Variants in CYP2C8 observed in about 807,000 individuals in gnomAD.
The protein encoded by CYP2C8 is cytochrome P450 family 2 subfamily C member 8.
In CYP2C8, 51 loss-of-function variants were observed where a neutral mutation model predicts 41.3. The ratio of observed to expected loss-of-function variants is 1.24; its 90% CI spans 0.99 to 1.56. The LOEUF (loss-of-function observed/expected upper bound fraction) is 1.56. CYP2C8 is among the 40% of genes most tolerant of loss of function. CYP2C8 has a pLI of 0.00. For synonymous variants in CYP2C8, 218 were observed against 205.8 expected (o/e 1.06, Z -0.51); for missense variants, 651 against 579.9 (o/e 1.12, Z -1.26).
intron 4 of CYP2C8, among the ~76,000 whole-genome samples, chr10:95,060,179 A>C (rs1459682302): frequency 9.6e-5 from 9 of 93,552 alleles, no homozygotes; most frequent in Admixed American, 5.3e-4. Context: ...AATTCTGTGA[A>C]GAAAGTCATT....
Position 95,037,272 on chromosome 10 carries a change from C to T in CYP2C8, c.1329G>A (p.Met443Ile), listed in dbSNP as rs762150516. ...TTGTGGTTAGAAATAAAAATAGCTC[C>T]ATGCGGGCAAGTCCTTCTCCTGCAC... ...RICAGEGLAR[M>I]ELFLFLTTIL... The change falls in exon 9 of 9, where the codon ATG becomes ATA. Residue 443 changes from methionine to isoleucine, a missense_variant. Coordinates refer to ENST00000371270, the MANE Select transcript of CYP2C8 (RefSeq NM_000770.3). 13 of 1,613,646 alleles carry T rather than the reference C, an allele frequency of 8.1e-6. No homozygotes were observed. The Admixed American group carries it at 1.8e-4, about 23-fold the overall frequency.
Position 95,041,787 on chromosome 10 carries a change from C to CAAA in CYP2C8, c.1149+1100_1149+1102dup, listed in dbSNP as rs60326519. Reference sequence around the variant, plus strand: ...TGGGCGACAGAGCGAGACTCCGTCTCAAAAAAAAAAAAAAAAAAAAAAAAA... The same window carrying CAAA: ...TGGGCGACAGAGCGAGACTCCGTCTCAAAAAAAAAAAAAAAAAAAAAAAAAAAA... On this transcript the variant is annotated intron_variant, in intron 7 of 8. Coordinates refer to ENST00000371270, the MANE Select transcript of CYP2C8 (RefSeq NM_000770.3). Among the ~76,000 whole-genome samples, 25 of 83,160 alleles carry CAAA rather than the reference C, an allele frequency of 3.0e-4. No homozygotes were observed. In the East Asian group the frequency reaches 6.6e-3, roughly 22 times the overall value. 54.6% of individuals were successfully genotyped at this position (83,160 alleles called of 152,430 possible).
chr10:95,044,952 T>C (rs554528883), intron 6 of CYP2C8, among the ~76,000 whole-genome samples: 2 of 152,354 alleles, frequency 1.3e-5, no homozygotes, highest in Non-Finnish European at 1.5e-5. Flanking sequence ...CTCCATTGTC[T>C]CTCCATGTTT....
At chr10:95,069,065 A>G in intron 1 of CYP2C8, 170 bp downstream of exon 1, 1 of 720,666 alleles carries the variant, frequency 1.4e-6, no homozygotes, top group Non-Finnish European at 2.2e-6. Context: ...TCCGTCTCAA[A>G]AAAAAAAAAA....
In CYP2C8 at chr10:95,066,119, T is replaced by TGAGAGA. The variant is rs144502351; in HGVS notation, c.481+1083_481+1088dup. ...TGAAAGGTAATTTGGGAAGCCTTGGTGAGAGAGAGAGAGAGAGAGAGAGAG... is the reference window on the plus strand; with the variant it reads ...TGAAAGGTAATTTGGGAAGCCTTGGTGAGAGAGAGAGAGAGAGAGAGAGAGAGAGAG... On this transcript the variant is annotated intron_variant, in intron 3 of 8. Transcript: ENST00000371270. Among the ~76,000 whole-genome samples the TGAGAGA allele has an allele frequency of 4.8e-3, 468 of 97,674 alleles. 2 individuals are homozygous for TGAGAGA. Among genetic ancestry groups the TGAGAGA allele is most frequent in the Middle Eastern group, 0.02 (3 of 150 alleles). The allele number at this position is 97,674 out of a possible 152,430, so 64.1% of individuals were successfully genotyped here. A position where few individuals can be genotyped will look rare whatever the true frequency, so the allele number is the denominator to read the frequency against.
At chr10:95,060,070 G>C (rs1325491555) in intron 4 of CYP2C8, among the ~76,000 whole-genome samples, 1 of 152,190 alleles carries the variant, frequency 6.6e-6, no homozygotes, top group Non-Finnish European at 1.5e-5. Context: ...TTTGAAGTCA[G>C]GTAGCCTGAT....
At position 95,036,875 on chromosome 10, in the gene CYP2C8, A is replaced by G. The variant is rs2032891914; in HGVS notation, c.*253T>C. 5.9e-6 allele frequency: 3 copies of G among 506,732 alleles called. No individual in the cohort carries two copies. Among genetic ancestry groups the G allele is most frequent in the Non-Finnish European group, 1.1e-5 (3 of 279,502 alleles). 31.4% of individuals were successfully genotyped at this position (506,732 alleles called of 1,614,324 possible). A position where few individuals can be genotyped will look rare whatever the true frequency, so the allele number is the denominator to read the frequency against. On this transcript the variant is annotated 3_prime_UTR_variant, in exon 9 of 9. Transcript: ENST00000371270. Reference sequence around the variant, plus strand: ...TTTCTGTGTTTTACAGTGATAACATATTAAAAAGTCAGCATTAGAAAAGTA... The same window carrying G: ...TTTCTGTGTTTTACAGTGATAACATGTTAAAAAGTCAGCATTAGAAAAGTA...
chr10:95,066,134 G>GAGAGAGAGAGAGAGAGAGAA (rs1335154456), intron 3 of CYP2C8, among the ~76,000 whole-genome samples: 1 of 100,070 alleles, frequency 1.0e-5, no homozygotes, highest in Non-Finnish European at 2.0e-5. Flanking sequence ...GAGAGAGAGA[G>GAGAGAGAGAGAGAGAGAGAA]AGAGAGAGAG....
intron 4 of CYP2C8, among the ~76,000 whole-genome samples, chr10:95,063,666 G>A (rs1348544611): frequency 6.6e-6 from 1 of 152,186 alleles, no homozygotes; most frequent in Non-Finnish European, 1.5e-5. Flanking sequence ...ATCCAGCTTT[G>A]TTCCGTTGCT....
intron 5 of CYP2C8, among the ~76,000 whole-genome samples, chr10:95,053,642 G>A (rs1934978): frequency 0.3 from 45,235 of 151,736 alleles, 7,612 homozygotes; most frequent in African/African-American, 0.45. Flanking sequence ...TGGAAACATC[G>A]TTCTCAGCAA....
chr10:95,044,451 T>C (rs918495052), intron 6 of CYP2C8, among the ~76,000 whole-genome samples: 4 of 152,188 alleles, frequency 2.6e-5, no homozygotes, highest in African/African-American at 9.6e-5. Flanking sequence ...TTCACTCTGC[T>C]GGACATTTAT....
intron 5 of CYP2C8, among the ~76,000 whole-genome samples, chr10:95,047,735 T>C (rs1284023554): frequency 6.6e-6 from 1 of 152,200 alleles, no homozygotes. Context: ...AATAAAGTTC[T>C]CATAAATTGA....
chr10:95,060,317 G>A (rs1013607241), intron 4 of CYP2C8, among the ~76,000 whole-genome samples: 1 of 151,960 alleles, frequency 6.6e-6, no homozygotes, highest in Non-Finnish European at 1.5e-5. Context: ...CTTTTATTTT[G>A]TTGAGCAGTT....
At chr10:95,061,676 T>A (rs907935198) in intron 4 of CYP2C8, among the ~76,000 whole-genome samples, 1 of 152,236 alleles carries the variant, frequency 6.6e-6, no homozygotes, top group Admixed American at 6.5e-5. Context: ...TCTTGCCTTC[T>A]GCTAGCTTTT....
chr10:95,052,587 C>T (rs2033233316), intron 5 of CYP2C8, among the ~76,000 whole-genome samples: 1 of 152,046 alleles, frequency 6.6e-6, no homozygotes, highest in African/African-American at 2.4e-5. Context: ...CATTAAAGAG[C>T]TCACTCATCA....
intron 5 of CYP2C8, among the ~76,000 whole-genome samples, chr10:95,052,235 A>G (rs1240359727): frequency 6.6e-6 from 1 of 152,064 alleles, no homozygotes; most frequent in Non-Finnish European, 1.5e-5. Context: ...GATACATACA[A>G]CCTACTGAAA....
chr10:95,067,492 C>G, intron 2 of CYP2C8, 37 bp downstream of exon 2: 2 of 1,614,008 alleles, frequency 1.2e-6, no homozygotes, highest in Non-Finnish European at 1.7e-6. Context: ...CCCCTCACCC[C>G]AGTTACCAAA....
chr10:95,064,221 C>G (rs886686748), intron 4 of CYP2C8, among the ~76,000 whole-genome samples: 2 of 152,174 alleles, frequency 1.3e-5, no homozygotes, highest in Non-Finnish European at 2.9e-5. Context: ...TGCCCTGCCC[C>G]GAGAAGTGGA....
chr10:95,064,717 T>C (rs1002288171), intron 4 of CYP2C8, 83 bp downstream of exon 4: 1 of 1,299,142 alleles, frequency 7.7e-7, no homozygotes, highest in South Asian at 1.2e-5. Flanking sequence ...AGCATTTTAG[T>C]ATCAATTTTC....
Sources: gnomAD v4.1 joint callset for allele counts (sites outside exome capture counted in the v4.1 genomes callset) on GRCh38, gnomAD v4.1.1 for gene constraint, MANE v1.5 for transcripts, NCBI Gene and HGNC (gene_info 2026-07-23, HGNC 2026-07-21) for gene names.